Variants in RBMS3 observed in about 807,000 individuals in gnomAD.
RBMS3 encodes RNA-binding motif, single-stranded-interacting protein 3.
RBMS3 carries 27 observed loss-of-function variants against 66.8 expected under a neutral mutation model. That is an observed-to-expected ratio of 0.40 (90% CI 0.30 to 0.56). RBMS3 has a LOEUF of 0.56. Ranked by LOEUF, RBMS3 falls within the 20% of genes least tolerant of loss-of-function variation. The pLI is 0.40. For missense variants in RBMS3, 513 were observed against 549.5 expected, an observed-to-expected ratio of 0.93 and a Z score of 0.66; for synonymous variants, 188 against 183.0, an observed-to-expected ratio of 1.03 and a Z score of -0.22.
intron 4 of RBMS3, among the ~76,000 whole-genome samples, chr3:29,666,378 A>C (rs991727234): frequency 1.3e-5 from 2 of 152,220 alleles, no homozygotes; most frequent in African/African-American, 2.4e-5. Flanking sequence ...CCAGGGCACA[A>C]AACAGTGTCT....
intron 6 of RBMS3, among the ~76,000 whole-genome samples, chr3:29,797,333 T>A (rs991814869): frequency 6.6e-6 from 1 of 152,166 alleles, no homozygotes; most frequent in Admixed American, 6.5e-5. Flanking sequence ...AGCTTCCAAC[T>A]TTTTTTCTGC....
At chr3:29,612,753 A>T (rs1289133748) in intron 4 of RBMS3, among the ~76,000 whole-genome samples, 1 of 152,132 alleles carries the variant, frequency 6.6e-6, no homozygotes, top group Non-Finnish European at 1.5e-5. Flanking sequence ...TTAGTAACAC[A>T]TGATTGCTTT....
intron 6 of RBMS3, among the ~76,000 whole-genome samples, chr3:29,800,461 TATAAA>T (rs2057353725): frequency 1.3e-5 from 2 of 152,214 alleles, no homozygotes; most frequent in South Asian, 4.1e-4. Context: ...TAGAATCAAA[TATAAA>T]ATAATTTATG....
At chr3:29,940,343 T>G (rs754389896) in intron 11 of RBMS3, among the ~76,000 whole-genome samples, 15 of 151,872 alleles carry the variant, frequency 9.9e-5, no homozygotes, top group Non-Finnish European at 1.6e-4. Context: ...CCCACAGAAA[T>G]TCTGCAAAAC....
intron 4 of RBMS3, among the ~76,000 whole-genome samples, chr3:29,637,667 G>C (rs2049524753): frequency 6.6e-6 from 1 of 151,816 alleles, no homozygotes; most frequent in Non-Finnish European, 1.5e-5. Context: ...CAGCTTAATG[G>C]ACTTTATATT....
chr3:29,989,976 C>T lies in RBMS3; in HGVS notation c.1180-1106C>T, dbSNP rs115871952. The stretch of plus-strand genomic sequence containing the variant: ...ATGATTATTATGAGACATTTGACAG[C>T]GTGGCTTATTGGAAACAGTCTAATT... On this transcript the variant is annotated intron_variant, in intron 13 of 14. Transcript: ENST00000383767. Among the ~76,000 whole-genome samples, 1,160 of 152,056 alleles carry T rather than the reference C, an allele frequency of 7.6e-3. 19 individuals carry two copies. Among genetic ancestry groups the T allele is most frequent in the African/African-American group, 0.027 (1,106 of 41,480 alleles).
At chr3:29,446,662 A>G (rs1267669207) in intron 2 of RBMS3, among the ~76,000 whole-genome samples, 1 of 152,148 alleles carries the variant, frequency 6.6e-6, no homozygotes, top group African/African-American at 2.4e-5. Context: ...TTTGATAGTA[A>G]AAGGGAAGTT....
At chr3:29,324,081 TG>T in intron 1 of RBMS3, among the ~76,000 whole-genome samples, 1 of 152,312 alleles carries the variant, frequency 6.6e-6, no homozygotes, top group East Asian at 1.9e-4. Flanking sequence ...TTTTTAACTC[TG>T]GACTTTATTA....
intron 6 of RBMS3, among the ~76,000 whole-genome samples, chr3:29,842,239 T>A (rs980242543): frequency 1.4e-4 from 21 of 152,248 alleles, no homozygotes; most frequent in Middle Eastern, 3.4e-3. Flanking sequence ...AAATCTATTT[T>A]GAAAAATGTT....
chr3:29,569,928 T>C (rs1210745735), intron 3 of RBMS3, among the ~76,000 whole-genome samples: 2 of 151,736 alleles, frequency 1.3e-5, no homozygotes, highest in African/African-American at 4.8e-5. Flanking sequence ...GCTGAAAATA[T>C]TAGATTGATG....
At chr3:29,339,140 C>A (rs2036133499) in intron 1 of RBMS3, among the ~76,000 whole-genome samples, 1 of 152,134 alleles carries the variant, frequency 6.6e-6, no homozygotes, top group Non-Finnish European at 1.5e-5. Context: ...GTAGAGGAAG[C>A]CTGACTTCTC....
intron 6 of RBMS3, among the ~76,000 whole-genome samples, chr3:29,779,725 A>ATATATATAT (rs1301512844): frequency 5.5e-5 from 8 of 144,896 alleles, no homozygotes; most frequent in Admixed American, 1.4e-4. Flanking sequence ...ATATATATAT[A>ATATATATAT]AACAACCCCA....
At chr3:29,941,863 G>A (rs1559822615) in intron 11 of RBMS3, among the ~76,000 whole-genome samples, 1 of 151,760 alleles carries the variant, frequency 6.6e-6, no homozygotes, top group African/African-American at 2.4e-5. Flanking sequence ...TCAAAATGCA[G>A]TACAAATTGC....
chr3:29,676,655 C>A (rs944507538), intron 4 of RBMS3, among the ~76,000 whole-genome samples: 1 of 152,076 alleles, frequency 6.6e-6, no homozygotes, highest in Non-Finnish European at 1.5e-5. Context: ...TCCTTAAATT[C>A]TCATATTGAT....
rs776357215 is a variant in RBMS3, at chr3:29,384,435, T to TAATAAGAAGAAGAAG, written c.76-50306_76-50305insTAAGAAGAAGAAGAA. Among the ~76,000 whole-genome samples, 1,272 of 141,080 alleles carry TAATAAGAAGAAGAAG rather than the reference T, an allele frequency of 9.0e-3. 13 individuals carry two copies. The highest frequency in any genetic ancestry group is 0.011 in the Non-Finnish European group (688 of 65,492). The allele number at this position is 141,080 out of a possible 152,430, so 92.6% of individuals were successfully genotyped here. The stretch of plus-strand genomic sequence containing the variant: ...TATACACCAATAATAATAATAATAA[T>TAATAAGAAGAAGAAG]AAGAAGAAGAAGAAGAAGAAGAAGA... On this transcript the variant is annotated intron_variant, in intron 1 of 14. Coordinates refer to ENST00000383767, the MANE Select transcript of RBMS3 (RefSeq NM_001003793.3).
chr3:29,489,845 C>T (rs1480055986), intron 3 of RBMS3, among the ~76,000 whole-genome samples: 1 of 150,822 alleles, frequency 6.6e-6, no homozygotes, highest in Non-Finnish European at 1.5e-5. Context: ...GACTTTGAGA[C>T]CAGCCTGGCC....
chr3:29,703,241 C>A (rs140812844), intron 4 of RBMS3, among the ~76,000 whole-genome samples: 1 of 152,146 alleles, frequency 6.6e-6, no homozygotes, highest in South Asian at 2.1e-4. Context: ...CACTTCACTA[C>A]GGAGCTGTAC....
chr3:29,677,585 G>T (rs1172198377), intron 4 of RBMS3, among the ~76,000 whole-genome samples: 1 of 151,896 alleles, frequency 6.6e-6, no homozygotes. Flanking sequence ...CTATTCAAAC[G>T]CTCATTGCAA....
chr3:29,587,367 A>C (rs1262775240), intron 4 of RBMS3, among the ~76,000 whole-genome samples, 162 bp downstream of exon 4: 1 of 150,520 alleles, frequency 6.6e-6, no homozygotes, highest in Non-Finnish European at 1.5e-5. Flanking sequence ...TGGAGTTTGC[A>C]ACAATTTGGT....
Sources: gnomAD v4.1 joint callset for allele counts (sites outside exome capture counted in the v4.1 genomes callset) on GRCh38, gnomAD v4.1.1 for gene constraint, MANE v1.5 for transcripts, NCBI Gene and HGNC (gene_info 2026-07-23, HGNC 2026-07-21) for gene names.